Variants in SAFB observed in about 807,000 individuals in gnomAD.
SAFB encodes scaffold attachment factor B, also known as scaffold attachment factor B1.
A neutral mutation model predicts 101.6 loss-of-function variants in SAFB; 15 were observed. That is an observed-to-expected ratio of 0.15 (90% CI 0.10 to 0.23). SAFB has a LOEUF of 0.23. Among genes scored for constraint, SAFB ranks in the 10% least tolerant of loss-of-function variants. The probability of loss-of-function intolerance (pLI) is 1.00; values close to 1 mark genes in which losing one functional copy is unlikely to be tolerated. For missense variants in SAFB, 930 were observed against 1,104.1 expected (o/e 0.84, Z 2.23); for synonymous variants, 449 against 407.5 (o/e 1.10, Z -1.23).
intron 14 of SAFB, 88 bp from the exon 15 acceptor site, chr19:5,661,430 C>T (rs1005227570): frequency 1.4e-5 from 22 of 1,562,962 alleles, no homozygotes; most frequent in Non-Finnish European, 1.7e-5. Context: ...GCCCTGGAGT[C>T]TGTGCGACCC....
Position 5,657,364 on chromosome 19 carries a change from G to A in SAFB, c.1862+17G>A. On this transcript the variant is annotated intron_variant, in intron 14 of 20. Coordinates refer to ENST00000588852, the MANE Select transcript of SAFB (RefSeq NM_001201338.2). ...GTCCCATAGGTGAGTAGGGATCCAG[G>A]AACGGTTTGGTGTTTTTCCTAGAAT... 1 of 1,538,336 alleles carries A rather than the reference G, an allele frequency of 6.5e-7. No individual in the cohort carries two copies.
intron 13 of SAFB, among the ~76,000 whole-genome samples, 199 bp from the exon 14 acceptor site, chr19:5,657,042 A>AT (rs1254609861): frequency 6.6e-6 from 1 of 152,036 alleles, no homozygotes; most frequent in Non-Finnish European, 1.5e-5. Context: ...AAGTGTTGGG[A>AT]TTACAGGTGT....
At chr19:5,628,759 G>A (rs960203567) in intron 2 of SAFB, among the ~76,000 whole-genome samples, 1 of 152,230 alleles carries the variant, frequency 6.6e-6, no homozygotes, top group Non-Finnish European at 1.5e-5. Context: ...TGTGGCTCAT[G>A]ATACATTGCG....
At chr19:5,636,990 T>A (rs2053607891) in intron 2 of SAFB, among the ~76,000 whole-genome samples, 1 of 151,588 alleles carries the variant, frequency 6.6e-6, no homozygotes, top group South Asian at 2.1e-4. Context: ...ATTATAGGTG[T>A]GAGCCACAGT....
chr19:5,664,010 GTCC>G lies in SAFB; in HGVS notation c.2154-11_2154-9del. 1 of 1,613,036 alleles carries G rather than the reference GTCC, an allele frequency of 6.2e-7. No individual in the cohort carries two copies. Among genetic ancestry groups the G allele is most frequent in the Non-Finnish European group, 8.5e-7 (1 of 1,179,598 alleles). On this transcript the variant is annotated splice_polypyrimidine_tract_variant and intron_variant, in intron 15 of 20. Transcript: ENST00000588852. ...GGGGATCCCTCTATCTCTGTCTCAT[GTCC>G]CCTCACAGGCGAGATGATGCCTATT...
Position 5,653,185 on chromosome 19 carries a change from C to G in SAFB, c.1364C>G (p.Ser455Cys). 1 of 1,614,082 alleles carries G rather than the reference C, an allele frequency of 6.2e-7. No homozygotes were observed. Among genetic ancestry groups the G allele is most frequent in the South Asian group, 1.1e-5 (1 of 91,074 alleles). ...GARCYGFVTM[S>C]TAEEATKCIN... is the part of the protein sequence containing the mutation. ...CGCTGTTACGGTTTTGTCACGATGT[C>G]CACAGCAGAAGAGGCCACAAAATGC... Residue 455 changes from serine to cysteine, a missense_variant, in exon 10 of 21, where the codon TCC (serine) becomes TGC (cysteine). Ser to Cys is a moderately radical substitution (Grantham distance 112). Coordinates refer to ENST00000588852, the MANE Select transcript of SAFB (RefSeq NM_001201338.2).
intron 2 of SAFB, among the ~76,000 whole-genome samples, chr19:5,638,524 T>C (rs1380711600): frequency 1.3e-5 from 2 of 151,828 alleles, no homozygotes; most frequent in Non-Finnish European, 2.9e-5. Context: ...GGTTTCACCA[T>C]GTTGGCCAGG....
intron 2 of SAFB, among the ~76,000 whole-genome samples, chr19:5,631,255 C>T (rs1295888157): frequency 6.6e-6 from 1 of 152,178 alleles, no homozygotes; most frequent in African/African-American, 2.4e-5. Context: ...TGCGTCTCCC[C>T]TCCCAGCCCC....
At position 5,657,366 on chromosome 19, in the gene SAFB, A is replaced by G. The variant is rs1255569639; in HGVS notation, c.1862+19A>G. ...CCCATAGGTGAGTAGGGATCCAGGA[A>G]CGGTTTGGTGTTTTTCCTAGAATGT... is the stretch of plus-strand genomic sequence containing the variant. On this transcript the variant is annotated intron_variant, in intron 14 of 20. Transcript: ENST00000588852. 3 of 1,535,358 alleles carry G rather than the reference A, an allele frequency of 2.0e-6. No homozygotes were observed. The highest frequency in any genetic ancestry group is 2.7e-6 in the Non-Finnish European group (3 of 1,110,070).
chr19:5,655,585 A>G (rs1268645994), intron 13 of SAFB, among the ~76,000 whole-genome samples: 2 of 151,920 alleles, frequency 1.3e-5, no homozygotes, highest in Non-Finnish European at 2.9e-5. Flanking sequence ...CCAGCCAAGG[A>G]CCAATCTTGG....
chr19:5,657,972 C>G (rs1163351988), intron 14 of SAFB, among the ~76,000 whole-genome samples: 1 of 152,134 alleles, frequency 6.6e-6, no homozygotes, highest in Non-Finnish European at 1.5e-5. Flanking sequence ...GGAAGAGAGA[C>G]AGTGAGGTAG....
intron 9 of SAFB, among the ~76,000 whole-genome samples, chr19:5,652,199 A>G (rs2053954729): frequency 2.0e-5 from 3 of 146,658 alleles, no homozygotes; most frequent in African/African-American, 7.6e-5. Flanking sequence ...TTAAAAAAAG[A>G]AAAAAAAAAA....
chr19:5,637,657 C>T (rs1290586796), intron 2 of SAFB, among the ~76,000 whole-genome samples: 6 of 151,986 alleles, frequency 3.9e-5, no homozygotes, highest in Admixed American at 3.3e-4. Context: ...CGGGGTCAGA[C>T]CCTGTCTCCA....
rs917682156 is a variant in SAFB at position 5,644,772 on chromosome 19, C to T, written c.547-565C>T. Among the ~76,000 whole-genome samples the T allele has an allele frequency of 2.6e-4, 39 of 152,194 alleles. 1 individual carries two copies. Among genetic ancestry groups the T allele is most frequent in the African/African-American group, 9.4e-4 (39 of 41,436 alleles). ...TTGGGGAATCCTTTGCCTTATTGGG[C>T]AGAGCCTACTTCTTAGAATAAAAGC... On this transcript the variant is annotated intron_variant, in intron 4 of 20. Transcript: ENST00000588852.
intron 2 of SAFB, among the ~76,000 whole-genome samples, chr19:5,640,816 C>G (rs541556162): frequency 3.1e-4 from 47 of 152,154 alleles, no homozygotes; most frequent in Non-Finnish European, 3.1e-4. Context: ...GTGTCAAACT[C>G]CTGACCTCAA....
intron 1 of SAFB, 134 bp downstream of exon 1, chr19:5,623,528 C>T (rs762509223): frequency 1.6e-5 from 11 of 706,466 alleles, no homozygotes; most frequent in Non-Finnish European, 1.8e-5. Flanking sequence ...TCGCGTCCCC[C>T]GGCTCCTCCG....
intron 17 of SAFB, 151 bp from the exon 18 acceptor site, chr19:5,666,895 A>C (rs1279891648): frequency 1.4e-6 from 1 of 731,366 alleles, no homozygotes; most frequent in African/African-American, 1.7e-5. Flanking sequence ...GATTTCAGGA[A>C]GGCAGCTGTG....
intron 9 of SAFB, among the ~76,000 whole-genome samples, chr19:5,652,689 A>G (rs4807804): frequency 0.056 from 8,534 of 152,220 alleles, 485 homozygotes; most frequent in African/African-American, 0.14. Flanking sequence ...GTTCCAGAGC[A>G]CGGCTCACAG....
chr19:5,638,437 AC>A (rs144901392), intron 2 of SAFB, among the ~76,000 whole-genome samples: 2 of 148,494 alleles, frequency 1.3e-5, no homozygotes, highest in Admixed American at 1.3e-4. Context: ...TCCTGCGTCA[AC>A]CCCCCCACCG....
Sources: gnomAD v4.1 joint callset for allele counts (sites outside exome capture counted in the v4.1 genomes callset) on GRCh38, gnomAD v4.1.1 for gene constraint, MANE v1.5 for transcripts, NCBI Gene and HGNC (gene_info 2026-07-23, HGNC 2026-07-21) for gene names.